The following ASB2 variants were observed in gnomAD, a reference collection of about 807,000 sequenced individuals.
ASB2 encodes the protein ankyrin repeat and SOCS box containing 2.
Under a neutral mutation model 62.4 loss-of-function variants are expected in ASB2, and 58 were observed. The observed-to-expected ratio is 0.93, with a 90% CI of 0.75 to 1.16. ASB2 has a LOEUF of 1.16. Among genes scored for constraint, ASB2 ranks in the 50% most tolerant of loss-of-function variants. The pLI, the probability that ASB2 is intolerant of heterozygous loss-of-function variation, is 0.00. For missense variants in ASB2, 928 were observed against 887.9 expected, an observed-to-expected ratio of 1.05 and a Z score of -0.57; for synonymous variants, 386 against 385.3, an observed-to-expected ratio of 1.00 and a Z score of -0.02.
chr14:93,959,612 A>T (rs938375847), intron 2 of ASB2, among the ~76,000 whole-genome samples: 2 of 152,138 alleles, frequency 1.3e-5, no homozygotes, highest in African/African-American at 4.8e-5. Context: ...CATGCCCTGG[A>T]AGAGCCCCAG....
At position 93,951,075 on chromosome 14, in the gene ASB2, G is replaced by T; in HGVS notation, c.804C>A (p.Asn268Lys). The T allele has an allele frequency of 6.2e-7, 1 of 1,614,020 alleles. No individual in the cohort carries two copies. The change falls in exon 6 of 10, where the codon AAC becomes AAA. Residue 268 changes from asparagine to lysine, a missense_variant. Physicochemically the swap from Asn to Lys is moderately conservative, Grantham distance 94 (BLOSUM62 0). Coordinates refer to ENST00000555019, the MANE Select transcript of ASB2 (RefSeq NM_001202429.2). ...CGAACAAGGGGGTGATGCCGTAGGC[G>T]TTCTTGGATTCCACCTTGGCTCCTC... is the stretch of plus-strand genomic sequence containing the variant. ...VSGGAKVESK[N>K]AYGITPLFVA...
At chr14:93,949,972 C>T in intron 6 of ASB2, among the ~76,000 whole-genome samples, 1 of 152,216 alleles carries the variant, frequency 6.6e-6, no homozygotes, top group East Asian at 1.9e-4. Context: ...GTGCTGCCGA[C>T]TCTCACAGGG....
chr14:93,970,657 A>T (rs1218926774), intron 1 of ASB2, among the ~76,000 whole-genome samples: 1 of 152,190 alleles, frequency 6.6e-6, no homozygotes, highest in Non-Finnish European at 1.5e-5. Context: ...CGATAGGATC[A>T]TGACAGTGCT....
chr14:93,959,510 C>G (rs1889336856), intron 2 of ASB2, among the ~76,000 whole-genome samples: 1 of 152,224 alleles, frequency 6.6e-6, no homozygotes, highest in South Asian at 2.1e-4. Flanking sequence ...CCCCTCGGGC[C>G]CCAAGCAGGG....
chr14:93,970,846 G>A (rs1440166093), intron 1 of ASB2, among the ~76,000 whole-genome samples: 1 of 152,148 alleles, frequency 6.6e-6, no homozygotes, highest in African/African-American at 2.4e-5. Context: ...AGATATTAAT[G>A]GCATCCTGCC....
intron 7 of ASB2, chr14:93,941,541 C>T (rs924789078): frequency 1.9e-5 from 8 of 410,864 alleles, no homozygotes; most frequent in African/African-American, 1.7e-4. Flanking sequence ...GGCTAATTGC[C>T]TCCTAATTTC....
chr14:93,943,976 G>A (rs1888628860), intron 7 of ASB2: 3 of 456,080 alleles, frequency 6.6e-6, no homozygotes, highest in Non-Finnish European at 1.3e-5. Context: ...ATTTAAAAAC[G>A]AGGGAGGCAG....
At chr14:93,954,530 A>AG in intron 3 of ASB2, 47 bp from the exon 4 acceptor site, 1 of 1,580,702 alleles carries the variant, frequency 6.3e-7, no homozygotes, top group Non-Finnish European at 8.7e-7. Context: ...GGCCAAGGCC[A>AG]GGCCAGGGGG....
chr14:93,934,193 T>A lies in ASB2; in HGVS notation c.*463A>T. The A allele has an allele frequency of 2.2e-6, 1 of 455,864 alleles. No homozygotes were observed. Among genetic ancestry groups the A allele is most frequent in the South Asian group, 1.6e-5 (1 of 64,492 alleles). The allele number at this position is 455,864 out of a possible 1,614,324, so 28.2% of individuals were successfully genotyped here. On this transcript the variant is annotated 3_prime_UTR_variant, in exon 10 of 10. Coordinates refer to ENST00000555019, the MANE Select transcript of ASB2 (RefSeq NM_001202429.2). ...ACATGTGTAACATTTATTATATTAA[T>A]ACTTAACAAAGCCCTCCAAGACCCA...
chr14:93,955,351 C>T (rs768308472), intron 3 of ASB2: 51 of 356,432 alleles, frequency 1.4e-4, no homozygotes, highest in South Asian at 3.4e-4. Flanking sequence ...GACTCTCAGA[C>T]TCTGTGGTTA....
At chr14:93,946,373 T>C (rs542637051) in intron 7 of ASB2, among the ~76,000 whole-genome samples, 1 of 152,364 alleles carries the variant, frequency 6.6e-6, no homozygotes, top group East Asian at 1.9e-4. Flanking sequence ...GCTTCACCTC[T>C]GCGGCCCAGG....
intron 6 of ASB2, among the ~76,000 whole-genome samples, chr14:93,949,118 A>T (rs193152825): frequency 1.3e-5 from 2 of 152,364 alleles, no homozygotes; most frequent in Non-Finnish European, 2.9e-5. Context: ...AGAATTCAGC[A>T]GTCCTTCCTT....
chr14:93,944,119 C>T, intron 7 of ASB2: 1 of 406,724 alleles, frequency 2.5e-6, no homozygotes, highest in Non-Finnish European at 4.9e-6. Context: ...TCAGCCACGG[C>T]CCAGACCAGC....
chr14:93,963,671 A>T (rs926506616), intron 2 of ASB2, among the ~76,000 whole-genome samples: 15 of 152,222 alleles, frequency 9.9e-5, no homozygotes, highest in Non-Finnish European at 2.1e-4. Context: ...TAACAATCTG[A>T]TTCATAATTT....
chr14:93,947,631 AC>A, intron 6 of ASB2, 111 bp from the exon 7 acceptor site: 2 of 1,041,178 alleles, frequency 1.9e-6, no homozygotes, highest in East Asian at 4.9e-5. Flanking sequence ...AATGCACGGG[AC>A]CTTTAACAAC....
chr14:93,953,255 T>A, intron 5 of ASB2, 97 bp downstream of exon 5: 1 of 1,095,566 alleles, frequency 9.1e-7, no homozygotes, highest in Non-Finnish European at 1.3e-6. Flanking sequence ...CAGGGCCACG[T>A]TGGGGGTTAT....
rs897510292 is a variant in ASB2, at chr14:93,939,179, G to A, written c.1546C>T (p.Pro516Ser). ...FSCLYGNGPHPPAPQPSSRFN... is the reference protein window; with the variant it reads ...FSCLYGNGPHSPAPQPSSRFN... Reference sequence around the variant, plus strand: ...CTGCTGGAGGGCTGCGGGGCCGGCGGGTGCGGGCCGTTGCCGTAGAGGCAT... The same window carrying A: ...CTGCTGGAGGGCTGCGGGGCCGGCGAGTGCGGGCCGTTGCCGTAGAGGCAT... Residue 516 changes from proline (P) to serine (S), a missense_variant, in exon 8 of 10, where the codon CCG (proline) becomes TCG (serine). Physicochemically the swap from Pro to Ser is moderately conservative, Grantham distance 74. Coordinates refer to ENST00000555019, the MANE Select transcript of ASB2 (RefSeq NM_001202429.2). The A allele has an allele frequency of 5.7e-6, 9 of 1,583,204 alleles. No individual in the cohort carries two copies. Among genetic ancestry groups the A allele is most frequent in the Non-Finnish European group, 6.9e-6 (8 of 1,158,838 alleles).
intron 3 of ASB2, chr14:93,955,049 A>G (rs1889128580): frequency 2.2e-6 from 1 of 456,744 alleles, no homozygotes; most frequent in African/African-American, 2.0e-5. Flanking sequence ...GGCTTGTTAA[A>G]GTCCCTTTGT....
chr14:93,941,685 A>G (rs1482200660), intron 7 of ASB2: 1 of 456,128 alleles, frequency 2.2e-6, no homozygotes, highest in South Asian at 1.5e-5. Context: ...CAAGAACGGG[A>G]AAGAACAGTG....
Sources: allele counts gnomAD v4.1 joint callset (sites outside exome capture counted in the v4.1 genomes callset), GRCh38; gene constraint gnomAD v4.1.1; transcripts MANE v1.5; gene names NCBI Gene and HGNC (gene_info 2026-07-23, HGNC 2026-07-21).